The following PACRG variants were observed in gnomAD, a reference collection of about 807,000 sequenced individuals.
PACRG encodes the protein parkin coregulated, also known as parkin coregulated gene protein.
A neutral mutation model predicts 29.7 loss-of-function variants in PACRG; 29 were observed. The ratio of observed to expected loss-of-function variants is 0.98; its 90% CI spans 0.73 to 1.33. The LOEUF is 1.33. PACRG is among the 40% of genes most tolerant of loss of function. The pLI is 0.00. For synonymous variants in PACRG, 116 were observed against 118.7 expected (o/e 0.98, Z 0.15); for missense variants, 279 against 316.2 (o/e 0.88, Z 0.89).
chr6:163,005,965 A>C (rs1037299110), intron 2 of PACRG, among the ~76,000 whole-genome samples: 1 of 141,618 alleles, frequency 7.1e-6, no homozygotes, highest in Non-Finnish European at 1.5e-5. Context: ...TATGTGTATA[A>C]CATTGTTCAT....
intron 4 of PACRG, among the ~76,000 whole-genome samples, chr6:163,140,164 A>G (rs1817096087): frequency 1.3e-5 from 2 of 152,256 alleles, no homozygotes; most frequent in Non-Finnish European, 2.9e-5. Flanking sequence ...CTATGTACGA[A>G]GCACGCAGCA....
intron 4 of PACRG, among the ~76,000 whole-genome samples, chr6:163,280,469 T>A (rs144860617): frequency 0.011 from 1,698 of 152,298 alleles, 34 homozygotes; most frequent in African/African-American, 0.039. Flanking sequence ...AGGCAAATGT[T>A]CAATGAACAC....
chr6:163,080,691 A>G (rs1417697019), intron 3 of PACRG, among the ~76,000 whole-genome samples: 1 of 152,222 alleles, frequency 6.6e-6, no homozygotes, highest in Non-Finnish European at 1.5e-5. Flanking sequence ...ACAAATACTA[A>G]ATTATATTCT....
At chr6:163,183,525 A>T (rs1344143698) in intron 4 of PACRG, 1 of 152,074 alleles carries the variant, frequency 6.6e-6, no homozygotes, top group Non-Finnish European at 1.5e-5. Context: ...AGCTCTTCCC[A>T]TCAGTGGGAA....
chr6:163,296,052 G>A (rs753475430), intron 4 of PACRG, among the ~76,000 whole-genome samples: 1 of 152,078 alleles, frequency 6.6e-6, no homozygotes, highest in Non-Finnish European at 1.5e-5. Flanking sequence ...TCTTCATACC[G>A]CAGCCCCTGG....
intron 4 of PACRG, among the ~76,000 whole-genome samples, chr6:163,218,181 A>G (rs17468673): frequency 0.061 from 9,329 of 152,212 alleles, 401 homozygotes; most frequent in Non-Finnish European, 0.09. Context: ...ACATCTTCCC[A>G]CTGAAAACTT....
chr6:162,943,290 A>G (rs1411257079), intron 2 of PACRG, among the ~76,000 whole-genome samples: 1 of 152,096 alleles, frequency 6.6e-6, no homozygotes, highest in Admixed American at 6.5e-5. Context: ...CCTGAGGCCC[A>G]TTGATATCCC....
At chr6:162,995,792 T>C (rs1319168314) in intron 2 of PACRG, among the ~76,000 whole-genome samples, 1 of 152,242 alleles carries the variant, frequency 6.6e-6, no homozygotes, top group Non-Finnish European at 1.5e-5. Flanking sequence ...GCCTGAGTAA[T>C]ATCCTGTTGT....
chr6:162,833,307 GT>G (rs1352474447), intron 2 of PACRG, among the ~76,000 whole-genome samples: 1 of 152,084 alleles, frequency 6.6e-6, no homozygotes, highest in African/African-American at 2.4e-5. Context: ...CCTTCTAGCT[GT>G]TAAGATGACT....
chr6:162,835,479 T>C (rs1562645559), intron 2 of PACRG, among the ~76,000 whole-genome samples: 2 of 152,132 alleles, frequency 1.3e-5, no homozygotes, highest in East Asian at 1.9e-4. Context: ...CACCTTCAAG[T>C]ATAAGAAGAT....
chr6:162,934,157 G>A (rs4604248), intron 2 of PACRG, among the ~76,000 whole-genome samples: 80,774 of 151,942 alleles, frequency 0.53, 22,181 homozygotes, highest in Middle Eastern at 0.7. Flanking sequence ...GCAGCTACTC[G>A]GGGGGCTGAG....
Position 163,173,373 on chromosome 6 carries a change from A to G in PACRG, c.613+83965A>G, listed in dbSNP as rs544964967. On this transcript the variant is annotated intron_variant, in intron 4 of 4. Transcript: ENST00000366888. ...ATAACAGGGAGGTTTTGGCATTTCC[A>G]AAAACAGTGGCTCCTTGGGGTAGAG... Among the ~76,000 whole-genome samples the G allele has an allele frequency of 3.9e-5, 6 of 152,356 alleles. No individual in the cohort carries two copies. In the East Asian group the frequency reaches 1.2e-3, roughly 29 times the overall value.
chr6:163,184,805 A>G (rs1246401773), intron 4 of PACRG: 1 of 152,182 alleles, frequency 6.6e-6, no homozygotes, highest in Admixed American at 6.5e-5. Context: ...CAGAGACACA[A>G]AAAGAGAGAG....
intron 4 of PACRG, among the ~76,000 whole-genome samples, chr6:163,116,816 A>T (rs1413336676): frequency 1.3e-5 from 2 of 152,142 alleles, no homozygotes; most frequent in Non-Finnish European, 2.9e-5. Flanking sequence ...TTCAAAAATG[A>T]CTGAGAAGCT....
chr6:162,784,879 G>T (rs1412872393), intron 1 of PACRG, among the ~76,000 whole-genome samples: 3 of 152,088 alleles, frequency 2.0e-5, no homozygotes, highest in Non-Finnish European at 4.4e-5. Context: ...ATAAGAATTG[G>T]TTAGTTTTCA....
intron 4 of PACRG, among the ~76,000 whole-genome samples, chr6:163,121,547 A>G (rs28728406): frequency 0.016 from 2,415 of 152,054 alleles, 66 homozygotes; most frequent in African/African-American, 0.055. Flanking sequence ...GCTCTGAAAT[A>G]CACCTAGTAT....
At chr6:163,032,559 C>T (rs890621102) in intron 2 of PACRG, among the ~76,000 whole-genome samples, 13 of 152,134 alleles carry the variant, frequency 8.5e-5, no homozygotes, top group Non-Finnish European at 5.9e-5. Context: ...TAATTCAACA[C>T]AATTATAATT....
intron 1 of PACRG, among the ~76,000 whole-genome samples, chr6:162,738,913 C>T (rs1295880937): frequency 6.6e-6 from 1 of 152,120 alleles, no homozygotes; most frequent in African/African-American, 2.4e-5. Context: ...TGTGAATAAA[C>T]CAGCTTTTTA....
At chr6:162,819,982 G>T (rs1306594497) in intron 2 of PACRG, among the ~76,000 whole-genome samples, 1 of 152,188 alleles carries the variant, frequency 6.6e-6, no homozygotes, top group Non-Finnish European at 1.5e-5. Context: ...TAGCACTTTA[G>T]GTTCCAGAAT....
Sources: gnomAD v4.1 joint callset for allele counts (sites outside exome capture counted in the v4.1 genomes callset) on GRCh38, gnomAD v4.1.1 for gene constraint, MANE v1.5 for transcripts, NCBI Gene and HGNC (gene_info 2026-07-23, HGNC 2026-07-21) for gene names.